The following KCTD16 variants were observed in gnomAD, a reference collection of about 807,000 sequenced individuals.
KCTD16 encodes potassium channel tetramerization domain containing 16.
KCTD16 carries 13 observed loss-of-function variants against 33.2 expected under a neutral mutation model. The observed-to-expected ratio is 0.39, with a 90% CI of 0.25 to 0.62. The LOEUF (loss-of-function observed/expected upper bound fraction) is 0.62. KCTD16 is among the 20% of genes least tolerant of loss of function. The probability of loss-of-function intolerance (pLI) is 0.50; values close to 1 mark genes in which losing one functional copy is unlikely to be tolerated. For missense variants in KCTD16, 441 were observed against 525.1 expected (o/e 0.84, Z 1.57); for synonymous variants, 197 against 195.3 (o/e 1.01, Z -0.07).
At chr5:144,347,314 G>T (rs935714965) in intron 3 of KCTD16, among the ~76,000 whole-genome samples, 1 of 152,194 alleles carries the variant, frequency 6.6e-6, no homozygotes, top group African/African-American at 2.4e-5. Context: ...TGCAAAACCG[G>T]CTGGGCACAG....
intron 3 of KCTD16, among the ~76,000 whole-genome samples, chr5:144,265,405 C>T (rs1214436863): frequency 2.6e-5 from 4 of 152,060 alleles, no homozygotes; most frequent in Non-Finnish European, 2.9e-5. Flanking sequence ...ATGACTATAC[C>T]GTCAATTGAT....
In KCTD16 at chr5:144,474,206, T is replaced by G. The variant is rs1338364431; in HGVS notation, c.*92T>G. 1.0e-6 allele frequency: 1 copy of G among 959,072 alleles called. No homozygotes were observed. The highest frequency in any genetic ancestry group is 1.5e-6 in the Non-Finnish European group (1 of 646,130). 59.4% of individuals were successfully genotyped at this position (959,072 alleles called of 1,614,324 possible). ...ATATTTTAAAGGAAAAAAATACAAC[T>G]AATGATGCACATTTCTTAGAACACA... On this transcript the variant is annotated 3_prime_UTR_variant, in exon 4 of 4. Coordinates refer to ENST00000512467, the MANE Select transcript of KCTD16 (RefSeq NM_020768.4).
In KCTD16 at chr5:144,359,180, G is replaced by C. The variant is rs557872641; in HGVS notation, c.833-114480G>C. ...TTTCTCCAGGTGCCTACTGTGCCCT[G>C]TCTCTATAGGACTGATTATAAATGG... On this transcript the variant is annotated intron_variant, in intron 3 of 3. Transcript: ENST00000512467. Among the ~76,000 whole-genome samples, 7 of 152,278 alleles carry C rather than the reference G, an allele frequency of 4.6e-5. No homozygotes were observed. The South Asian group carries it at 1.5e-3, about 32-fold the overall frequency.
chr5:144,190,940 A>G (rs958306435), intron 2 of KCTD16, among the ~76,000 whole-genome samples: 5 of 152,168 alleles, frequency 3.3e-5, no homozygotes, highest in Admixed American at 2.6e-4. Flanking sequence ...CACACACACC[A>G]CAACACACAT....
chr5:144,330,093 C>A (rs979867046), intron 3 of KCTD16, among the ~76,000 whole-genome samples: 3 of 152,020 alleles, frequency 2.0e-5, no homozygotes, highest in African/African-American at 7.2e-5. Context: ...TATGTACATT[C>A]CACATGGATA....
intron 3 of KCTD16, among the ~76,000 whole-genome samples, chr5:144,302,898 C>T (rs1158980122): frequency 3.9e-5 from 6 of 152,142 alleles, no homozygotes. Flanking sequence ...AAACTTGGAT[C>T]CCTTTGGGTT....
rs1751845624 is a variant in KCTD16 at position 144,366,768 on chromosome 5, A to G, written c.833-106892A>G. Among the ~76,000 whole-genome samples, 3 of 152,284 alleles carry G rather than the reference A, an allele frequency of 2.0e-5. 1 individual carries two copies. In the South Asian group the frequency reaches 6.2e-4, roughly 32 times the overall value. ...ATATGAGCTGGCTGTGAAGGAAACC[A>G]ATCACCTCAAAGGCTACTCAACAAA... On this transcript the variant is annotated intron_variant, in intron 3 of 3. Transcript: ENST00000512467.
At position 144,253,093 on chromosome 5, in the gene KCTD16, C is replaced by T. The variant is rs6890503; in HGVS notation, c.832+45547C>T. The stretch of plus-strand genomic sequence containing the variant: ...GATATATCCATATGGAAAGGGATCA[C>T]CAACTACATTTAGAATATTTTATGC... On this transcript the variant is annotated intron_variant, in intron 3 of 3. Transcript: ENST00000512467. Among the ~76,000 whole-genome samples the T allele has an allele frequency of 9.8e-3, 1,495 of 152,072 alleles. 22 individuals are homozygous for T. The highest frequency in any genetic ancestry group is 0.034 in the African/African-American group (1,405 of 41,474).
At chr5:144,443,567 A>G (rs1753758569) in intron 3 of KCTD16, among the ~76,000 whole-genome samples, 1 of 152,048 alleles carries the variant, frequency 6.6e-6, no homozygotes, top group Admixed American at 6.6e-5. Context: ...AAGGTAGGTG[A>G]AAGCTTGATA....
chr5:144,186,903 T>C (rs905244829), intron 2 of KCTD16, among the ~76,000 whole-genome samples: 6 of 152,212 alleles, frequency 3.9e-5, no homozygotes, highest in African/African-American at 1.4e-4. Flanking sequence ...ACACCTATTA[T>C]GTGTCAGGTT....
chr5:144,241,116 C>T (rs1754391241), intron 3 of KCTD16, among the ~76,000 whole-genome samples: 1 of 152,112 alleles, frequency 6.6e-6, no homozygotes, highest in Non-Finnish European at 1.5e-5. Context: ...TGAGGTCCTC[C>T]TCTTAACTCT....
At chr5:144,268,725 GA>G (rs1339750813) in intron 3 of KCTD16, among the ~76,000 whole-genome samples, 1 of 151,916 alleles carries the variant, frequency 6.6e-6, no homozygotes, top group Non-Finnish European at 1.5e-5. Flanking sequence ...ACATTCAAAG[GA>G]AAAAAATTAA....
chr5:144,374,434 G>C (rs1752040430), intron 3 of KCTD16, among the ~76,000 whole-genome samples: 2 of 152,106 alleles, frequency 1.3e-5, no homozygotes, highest in African/African-American at 4.8e-5. Flanking sequence ...TGGATAGCAA[G>C]GTTTATATTT....
rs562546888 is a variant in KCTD16 at position 144,412,590 on chromosome 5, C to G, written c.833-61070C>G. On this transcript the variant is annotated intron_variant, in intron 3 of 3. Coordinates refer to ENST00000512467, the MANE Select transcript of KCTD16 (RefSeq NM_020768.4). Reference sequence around the variant, plus strand: ...AATATACAGTTTAATAGAAGAAGATCGATCTAATGTTTCAGCTGGATGCGG... The same window carrying G: ...AATATACAGTTTAATAGAAGAAGATGGATCTAATGTTTCAGCTGGATGCGG... Among the ~76,000 whole-genome samples the G allele has an allele frequency of 2.0e-3, 301 of 152,076 alleles. 2 individuals are homozygous for G. The highest frequency in any genetic ancestry group is 6.7e-3 in the African/African-American group (280 of 41,524).
At chr5:144,245,183 C>T (rs891382184) in intron 3 of KCTD16, among the ~76,000 whole-genome samples, 4 of 152,086 alleles carry the variant, frequency 2.6e-5, no homozygotes, top group African/African-American at 9.7e-5. Context: ...AATACACACA[C>T]AATCTTTGTC....
intron 3 of KCTD16, among the ~76,000 whole-genome samples, chr5:144,275,542 A>G (rs969871548): frequency 2.0e-5 from 3 of 152,164 alleles, no homozygotes; most frequent in African/African-American, 4.8e-5. Context: ...GCAGATCCCC[A>G]TGGCAACAAC....
chr5:144,418,971 C>T (rs1753148116), intron 3 of KCTD16, among the ~76,000 whole-genome samples: 1 of 152,094 alleles, frequency 6.6e-6, no homozygotes, highest in African/African-American at 2.4e-5. Flanking sequence ...CATGCTTATT[C>T]CACCAAGCCA....
rs551186500 is a variant in KCTD16 at position 144,267,129 on chromosome 5, T to C, written c.832+59583T>C. Among the ~76,000 whole-genome samples, 158 of 152,328 alleles carry C rather than the reference T, an allele frequency of 1.0e-3. 1 individual carries two copies. The highest frequency in any genetic ancestry group is 3.5e-3 in the African/African-American group (145 of 41,566). On this transcript the variant is annotated intron_variant, in intron 3 of 3. Transcript: ENST00000512467. ...AAAACTCTATCACCATTCTCAAGGA[T>C]AGATCCTAAGTATTTGCCAAAGATG...
intron 3 of KCTD16, among the ~76,000 whole-genome samples, chr5:144,230,452 C>T (rs985890339): frequency 3.3e-5 from 5 of 152,210 alleles, no homozygotes; most frequent in South Asian, 2.1e-4. Flanking sequence ...TGTGAATCCT[C>T]AGCCTTAAGT....
Sources: gnomAD v4.1 joint callset for allele counts (sites outside exome capture counted in the v4.1 genomes callset) on GRCh38, gnomAD v4.1.1 for gene constraint, MANE v1.5 for transcripts, NCBI Gene and HGNC (gene_info 2026-07-23, HGNC 2026-07-21) for gene names.